Variants in ITPK1 observed in about 807,000 individuals in gnomAD.
The protein encoded by ITPK1 is inositol 1,3,4-trisphosphate 5/6-kinase.
In ITPK1, 21 loss-of-function variants were observed where a neutral mutation model predicts 45.3. The observed-to-expected ratio is 0.46, with a 90% CI of 0.33 to 0.67. The LOEUF is 0.67. ITPK1 is among the 30% of genes least tolerant of loss of function. The pLI is 0.02. For synonymous variants in ITPK1, 258 were observed against 253.6 expected (o/e 1.02, Z -0.16); for missense variants, 474 against 573.5 (o/e 0.83, Z 1.77).
chr14:92,962,640 T>C, intron 6 of ITPK1, 111 bp downstream of exon 6: 1 of 879,694 alleles, frequency 1.1e-6, no homozygotes, highest in Non-Finnish European at 1.9e-6. Flanking sequence ...CATGTGCTCA[T>C]CCATCCTCGG....
intron 3 of ITPK1, among the ~76,000 whole-genome samples, chr14:93,031,561 G>A (rs1225964659): frequency 1.3e-5 from 2 of 152,134 alleles, no homozygotes; most frequent in Non-Finnish European, 2.9e-5. Context: ...GCCTGGCACT[G>A]ACTTGCTGTG....
intron 2 of ITPK1, among the ~76,000 whole-genome samples, chr14:93,105,009 T>C (rs1273642047): frequency 6.6e-6 from 1 of 152,190 alleles, no homozygotes; most frequent in Non-Finnish European, 1.5e-5. Flanking sequence ...CTCCTTTCTA[T>C]ACACTCCGGG....
intron 3 of ITPK1, among the ~76,000 whole-genome samples, chr14:93,017,129 T>C (rs948637343): frequency 1.3e-5 from 2 of 152,172 alleles, no homozygotes; most frequent in Non-Finnish European, 2.9e-5. Context: ...GCCAGGCAAG[T>C]GATGCTGAGA....
At chr14:92,965,028 G>A (rs912277667) in intron 5 of ITPK1, among the ~76,000 whole-genome samples, 3 of 152,182 alleles carry the variant, frequency 2.0e-5, no homozygotes, top group African/African-American at 7.2e-5. Context: ...GCATTTCCCT[G>A]CATAGAGTTC....
intron 3 of ITPK1, among the ~76,000 whole-genome samples, chr14:93,021,797 C>T (rs1888482826): frequency 6.6e-6 from 1 of 152,020 alleles, no homozygotes; most frequent in Non-Finnish European, 1.5e-5. Flanking sequence ...GCCACCAAGA[C>T]CAGCAGGCTG....
At position 92,971,730 on chromosome 14, in the gene ITPK1, C is replaced by T. The variant is rs188908682; in HGVS notation, c.365-8881G>A. Among the ~76,000 whole-genome samples, 9 of 152,318 alleles carry T rather than the reference C, an allele frequency of 5.9e-5. No homozygotes were observed. The East Asian group carries it at 1.7e-3, about 29-fold the overall frequency. On this transcript the variant is annotated intron_variant, in intron 5 of 10. Transcript: ENST00000267615. ...CCAGCCCAGTTGCCATGACTGGGAC[C>T]GCCAATGCTCTGATCTGATATCTGT...
rs1885525458 is a variant in ITPK1 at position 92,969,147 on chromosome 14, A to G, written c.365-6298T>C. 2.0e-5 allele frequency among the ~76,000 whole-genome samples: 3 copies of G among 152,130 alleles called. No individual in the cohort carries two copies. The South Asian group carries it at 6.2e-4, about 31-fold the overall frequency. On this transcript the variant is annotated intron_variant, in intron 5 of 10. Transcript: ENST00000267615. ...TCCAATAACCATTCACCAACAGAAA[A>G]ACATGTTGAGCCTCTACTAGATGCC...
chr14:93,073,444 G>T (rs530674704), intron 3 of ITPK1, among the ~76,000 whole-genome samples: 13 of 152,340 alleles, frequency 8.5e-5, no homozygotes, highest in African/African-American at 3.1e-4. Context: ...ACCTCGGGAA[G>T]GTTACACACA....
chr14:92,953,504 C>G (rs117113519), intron 8 of ITPK1, among the ~76,000 whole-genome samples: 4 of 152,196 alleles, frequency 2.6e-5, no homozygotes, highest in Non-Finnish European at 5.9e-5. Flanking sequence ...TGGAACAGCT[C>G]GAGCAGCTGG....
At chr14:93,102,356 C>T (rs561951498) in intron 2 of ITPK1, among the ~76,000 whole-genome samples, 4 of 152,388 alleles carry the variant, frequency 2.6e-5, no homozygotes, top group Admixed American at 6.5e-5. Flanking sequence ...TTCTCCAACA[C>T]GATCCCAATG....
In ITPK1 at chr14:92,998,680, G is replaced by T. The variant is rs190828018; in HGVS notation, c.247-4683C>A. ...TTTAATTTCCCATAACACAAAGTTT[G>T]GGGGGAAATGGGAGGCAGGTAATCA... On this transcript the variant is annotated intron_variant, in intron 4 of 10. Coordinates refer to ENST00000267615, the MANE Select transcript of ITPK1 (RefSeq NM_014216.6). 1.4e-3 allele frequency among the ~76,000 whole-genome samples: 219 copies of T among 152,190 alleles called. 1 individual carries two copies. Among genetic ancestry groups the T allele is most frequent in the African/African-American group, 5.2e-3 (216 of 41,540 alleles).
intron 3 of ITPK1, among the ~76,000 whole-genome samples, chr14:93,058,389 G>A (rs1177162977): frequency 1.4e-5 from 2 of 140,074 alleles, no homozygotes; most frequent in Non-Finnish European, 3.1e-5. Flanking sequence ...GGGGTGGAGG[G>A]GGTGTAGGTC....
intron 8 of ITPK1, among the ~76,000 whole-genome samples, chr14:92,955,638 T>A (rs959805455): frequency 3.3e-5 from 5 of 152,228 alleles, no homozygotes; most frequent in Non-Finnish European, 7.3e-5. Context: ...TGCCACTGGC[T>A]ATAAGGCACA....
intron 3 of ITPK1, among the ~76,000 whole-genome samples, chr14:93,024,621 C>T (rs897833880): frequency 1.3e-5 from 2 of 152,194 alleles, no homozygotes; most frequent in African/African-American, 4.8e-5. Flanking sequence ...ATAATCACCT[C>T]CACCAGAACT....
intron 3 of ITPK1, among the ~76,000 whole-genome samples, chr14:93,020,097 G>A (rs1026194509): frequency 2.0e-5 from 3 of 152,110 alleles, no homozygotes; most frequent in Non-Finnish European, 2.9e-5. Context: ...TCTGTGTGGC[G>A]CTTGGAGTTC....
At chr14:93,070,541 A>C (rs1890953004) in intron 3 of ITPK1, 1 of 152,338 alleles carries the variant, frequency 6.6e-6, no homozygotes, top group Non-Finnish European at 1.5e-5. Flanking sequence ...TAGGTGTTTT[A>C]GAAGGAAGCA....
intron 9 of ITPK1, among the ~76,000 whole-genome samples, chr14:92,947,736 G>T (rs1424676350): frequency 1.3e-5 from 2 of 152,206 alleles, no homozygotes. Flanking sequence ...AATAAATAGT[G>T]AAGTTTTGGG....
chr14:93,010,475 C>T (rs1182770221), intron 4 of ITPK1, among the ~76,000 whole-genome samples: 2 of 152,220 alleles, frequency 1.3e-5, no homozygotes. Context: ...CTTCCCTATG[C>T]GGTAGGCAAG....
Position 93,105,829 on chromosome 14 carries a change from G to A in ITPK1, c.95+9240C>T, listed in dbSNP as rs571887737. Among the ~76,000 whole-genome samples, 46 of 150,488 alleles carry A rather than the reference G, an allele frequency of 3.1e-4. 1 individual carries two copies. The highest frequency in any genetic ancestry group is 5.8e-4 in the Non-Finnish European group (39 of 67,728). ...AGCGTTTCTCCTGCCTCAGCCTCCC[G>A]AGCAGCTGGGATTACAGGTGCCAGT... On this transcript the variant is annotated intron_variant, in intron 2 of 10. Coordinates refer to ENST00000267615, the MANE Select transcript of ITPK1 (RefSeq NM_014216.6).
Sources: gnomAD v4.1 joint callset for allele counts (sites outside exome capture counted in the v4.1 genomes callset) on GRCh38, gnomAD v4.1.1 for gene constraint, MANE v1.5 for transcripts, NCBI Gene and HGNC (gene_info 2026-07-23, HGNC 2026-07-21) for gene names.